The following NSG1 variants were observed in gnomAD, a reference collection of about 807,000 sequenced individuals.
The protein encoded by NSG1 is neuronal vesicle trafficking-associated protein 1.
Under a neutral mutation model 19.3 loss-of-function variants are expected in NSG1, and 9 were observed. That is an observed-to-expected ratio of 0.47 (90% CI 0.28 to 0.81). The LOEUF is 0.81. Ranked by LOEUF, NSG1 falls within the 40% of genes least tolerant of loss-of-function variation. The pLI is 0.11. For missense variants in NSG1, 236 were observed against 242.4 expected (o/e 0.97, Z 0.18); for synonymous variants, 104 against 107.0 (o/e 0.97, Z 0.17).
At chr4:4,403,610 G>C (rs1181424431) in intron 3 of NSG1, among the ~76,000 whole-genome samples, 1 of 152,174 alleles carries the variant, frequency 6.6e-6, no homozygotes, top group Non-Finnish European at 1.5e-5. Context: ...TGACTTGATT[G>C]AATCAGCAAA....
intron 3 of NSG1, among the ~76,000 whole-genome samples, chr4:4,396,158 T>G (rs1723237296): frequency 6.6e-6 from 1 of 152,232 alleles, no homozygotes; most frequent in Non-Finnish European, 1.5e-5. Context: ...GAGATGTTTC[T>G]CAACCAAACC....
chr4:4,393,248 G>A (rs1577280840), intron 3 of NSG1, among the ~76,000 whole-genome samples: 1 of 152,228 alleles, frequency 6.6e-6, no homozygotes, highest in South Asian at 2.1e-4. Flanking sequence ...TGCGGCACTT[G>A]AACAGCTATT....
intron 3 of NSG1, among the ~76,000 whole-genome samples, chr4:4,401,262 A>T (rs957567566): frequency 2.0e-5 from 3 of 152,192 alleles, no homozygotes; most frequent in Admixed American, 6.5e-5. Context: ...TGTCCTTCAG[A>T]TGACTGCTTG....
chr4:4,411,017 G>A (rs768330222), intron 4 of NSG1, among the ~76,000 whole-genome samples: 2 of 151,934 alleles, frequency 1.3e-5, no homozygotes, highest in Admixed American at 6.6e-5. Context: ...GCCACCACCC[G>A]GCTAATTTTT....
At chr4:4,404,939 C>T (rs765644365) in intron 3 of NSG1, among the ~76,000 whole-genome samples, 32 of 151,950 alleles carry the variant, frequency 2.1e-4, no homozygotes, top group African/African-American at 6.5e-4. Flanking sequence ...GCGGAAGGAA[C>T]GGGGTAATGG....
rs1201879364 is a variant in NSG1, at chr4:4,400,473, GCAAA to G, written c.246+8891_246+8894del. On this transcript the variant is annotated intron_variant, in intron 3 of 4. Transcript: ENST00000621129. The stretch of plus-strand genomic sequence containing the variant: ...GGGTCCCTTGTAATTTCCATTTTCG[GCAAA>G]CAAACAAAAAGACCTTTGGGTTGCT... Among the ~76,000 whole-genome samples the G allele has an allele frequency of 5.3e-5, 8 of 152,116 alleles. 1 individual carries two copies. The highest frequency in any genetic ancestry group is 3.3e-4 in the Admixed American group (5 of 15,278).
In NSG1 at chr4:4,417,436, C is replaced by T. The variant is rs192774602; in HGVS notation, c.*1C>T. On this transcript the variant is annotated 3_prime_UTR_variant, in exon 5 of 5. Transcript: ENST00000621129. The stretch of plus-strand genomic sequence containing the variant: ...TGAAGCGGCTGAGAAGTCAGCTTAG[C>T]GGGATGGGCAAGTTCCTTACAATGT... 173 of 1,613,970 alleles carry T rather than the reference C, an allele frequency of 1.1e-4. 1 individual carries two copies. The East Asian group carries it at 3.5e-3, about 32-fold the overall frequency.
intron 3 of NSG1, among the ~76,000 whole-genome samples, chr4:4,408,251 T>A (rs1298495527): frequency 2.0e-5 from 3 of 152,030 alleles, no homozygotes. Context: ...GTAGGGTCTG[T>A]ATGTGGCCAG....
intron 3 of NSG1, among the ~76,000 whole-genome samples, chr4:4,408,531 G>A (rs1318449730): frequency 6.6e-6 from 1 of 152,214 alleles, no homozygotes; most frequent in Non-Finnish European, 1.5e-5. Flanking sequence ...CACTATCTCA[G>A]CTCACTGCAG....
At chr4:4,404,330 AC>A (rs1723734926) in intron 3 of NSG1, among the ~76,000 whole-genome samples, 2 of 152,304 alleles carry the variant, frequency 1.3e-5, no homozygotes, top group African/African-American at 2.4e-5. Context: ...ACAATGGCTC[AC>A]CCAGCTCACC....
intron 3 of NSG1, among the ~76,000 whole-genome samples, chr4:4,405,831 G>A (rs943117335): frequency 1.3e-5 from 2 of 152,156 alleles, no homozygotes; most frequent in Admixed American, 6.5e-5. Context: ...CTCCTCAGCC[G>A]TTGGGCCTGG....
intron 3 of NSG1, among the ~76,000 whole-genome samples, chr4:4,399,378 A>G (rs142993018): frequency 0.012 from 1,857 of 152,244 alleles, 34 homozygotes; most frequent in African/African-American, 0.043. Context: ...CCTGGACTCA[A>G]GCATTCCTCC....
At chr4:4,395,280 C>T (rs994658947) in intron 3 of NSG1, among the ~76,000 whole-genome samples, 14 of 152,312 alleles carry the variant, frequency 9.2e-5, no homozygotes, top group South Asian at 6.2e-4. Flanking sequence ...GACCCTGAAC[C>T]GCAGGGAGAT....
At chr4:4,400,369 A>G (rs1382988587) in intron 3 of NSG1, among the ~76,000 whole-genome samples, 2 of 152,144 alleles carry the variant, frequency 1.3e-5, no homozygotes, top group African/African-American at 4.8e-5. Context: ...GTAGCTTTGT[A>G]GTAAGTTTTA....
At chr4:4,408,413 T>C (rs532209869) in intron 3 of NSG1, among the ~76,000 whole-genome samples, 53 of 152,346 alleles carry the variant, frequency 3.5e-4, no homozygotes, top group African/African-American at 1.3e-3. Flanking sequence ...TCGCTCTCTC[T>C]GCCTCTCTGG....
At chr4:4,401,833 A>C (rs1283828559) in intron 3 of NSG1, among the ~76,000 whole-genome samples, 1 of 152,086 alleles carries the variant, frequency 6.6e-6, no homozygotes, top group Non-Finnish European at 1.5e-5. Flanking sequence ...TCTAAAGATG[A>C]ATATAGTCCA....
chr4:4,408,404 C>T (rs1028405965), intron 3 of NSG1, among the ~76,000 whole-genome samples: 4 of 152,218 alleles, frequency 2.6e-5, no homozygotes, highest in South Asian at 4.1e-4. Flanking sequence ...GGAGCCCCAT[C>T]GCTCTCTCTG....
chr4:4,411,688 G>A (rs1366908657), intron 4 of NSG1, among the ~76,000 whole-genome samples: 2 of 152,106 alleles, frequency 1.3e-5, no homozygotes, highest in Non-Finnish European at 2.9e-5. Context: ...AGGTTGCAGT[G>A]AGCTGAGATC....
intron 4 of NSG1, 82 bp from the exon 5 acceptor site, chr4:4,417,149 CTCAG>C (rs1724593856): frequency 5.3e-6 from 6 of 1,123,856 alleles, no homozygotes; most frequent in Non-Finnish European, 8.1e-6. Flanking sequence ...AGGGAAGGTG[CTCAG>C]TAACTGTTGG....
Sources: allele counts gnomAD v4.1 joint callset (sites outside exome capture counted in the v4.1 genomes callset), GRCh38; gene constraint gnomAD v4.1.1; transcripts MANE v1.5; gene names NCBI Gene and HGNC (gene_info 2026-07-23, HGNC 2026-07-21).